UGGT1: variants seen among roughly 807,000 people sequenced by gnomAD.
UGGT1 encodes the protein UDP-glucose:glycoprotein glucosyltransferase 1.
UGGT1 carries 107 observed loss-of-function variants against 203.9 expected under a neutral mutation model. The ratio of observed to expected loss-of-function variants is 0.52; its 90% CI spans 0.45 to 0.62. The LOEUF (loss-of-function observed/expected upper bound fraction) is 0.62. Ranked by LOEUF, UGGT1 falls within the 20% of genes least tolerant of loss-of-function variation. The pLI, the probability that UGGT1 is intolerant of heterozygous loss-of-function variation, is 0.00. For synonymous variants in UGGT1, 628 were observed against 653.5 expected, an observed-to-expected ratio of 0.96 and a Z score of 0.59; for missense variants, 1,673 against 1,867.2, an observed-to-expected ratio of 0.90 and a Z score of 1.92.
intron 7 of UGGT1, 82 bp downstream of exon 7, chr2:128,115,302 A>G (rs1474142958): frequency 8.1e-7 from 1 of 1,239,044 alleles, no homozygotes; most frequent in East Asian, 2.6e-5. Context: ...AAAATAATAG[A>G]TTTAGGTGTA....
chr2:128,113,308 T>G (rs756696192), intron 6 of UGGT1, 50 bp downstream of exon 6: 2 of 1,452,214 alleles, frequency 1.4e-6, no homozygotes, highest in African/African-American at 2.8e-5. Context: ...TTGCCTAGCA[T>G]GACTTTAGAA....
Position 128,095,385 on chromosome 2 carries a change from C to CT in UGGT1, c.59-2042dup, listed in dbSNP as rs1254380276. 5.3e-5 allele frequency among the ~76,000 whole-genome samples: 8 copies of CT among 150,768 alleles called. 1 individual carries two copies. Among genetic ancestry groups the CT allele is most frequent in the African/African-American group, 2.0e-4 (8 of 40,936 alleles). ...TCTTCTTCTTCCTCTTCCCCTTCCC[C>CT]TTCCCCTTCTCCTTCCCCTTCCCCT... On this transcript the variant is annotated intron_variant, in intron 1 of 40. Coordinates refer to ENST00000259253, the MANE Select transcript of UGGT1 (RefSeq NM_020120.4).
At chr2:128,150,484 T>C (rs1315777683) in intron 18 of UGGT1, among the ~76,000 whole-genome samples, 2 of 151,772 alleles carry the variant, frequency 1.3e-5, no homozygotes, top group Non-Finnish European at 2.9e-5. Flanking sequence ...AAAACAGAAA[T>C]GTAAATGAAG....
chr2:128,182,358 A>ATT (rs1691736559), intron 37 of UGGT1, 68 bp downstream of exon 37: 2 of 1,525,200 alleles, frequency 1.3e-6, no homozygotes, highest in Non-Finnish European at 1.8e-6. Context: ...TGTGGTTAAA[A>ATT]TTGTGAATAG....
chr2:128,098,011 C>T (rs762037043), intron 2 of UGGT1, among the ~76,000 whole-genome samples: 2 of 151,908 alleles, frequency 1.3e-5, no homozygotes, highest in African/African-American at 2.4e-5. Flanking sequence ...ACGGAAGTGC[C>T]CCACCACACC....
chr2:128,144,687 T>A (rs1689595107), intron 17 of UGGT1, among the ~76,000 whole-genome samples: 1 of 152,342 alleles, frequency 6.6e-6, no homozygotes, highest in African/African-American at 2.4e-5. Flanking sequence ...GAAGGCTTTT[T>A]AGGCTGTGCC....
chr2:128,181,487 G>A (rs1365830311), intron 36 of UGGT1, among the ~76,000 whole-genome samples: 4 of 152,218 alleles, frequency 2.6e-5, no homozygotes, highest in East Asian at 1.9e-4. Flanking sequence ...TCTTCCGGCC[G>A]TCAGGGTTTG....
intron 26 of UGGT1, among the ~76,000 whole-genome samples, chr2:128,168,520 TA>T (rs894650376): frequency 2.6e-5 from 4 of 151,378 alleles, no homozygotes; most frequent in African/African-American, 9.7e-5. Context: ...TGTTGTTTGG[TA>T]AAAAAAAAGT....
intron 19 of UGGT1, among the ~76,000 whole-genome samples, chr2:128,154,070 C>T (rs1346448900): frequency 6.6e-6 from 1 of 151,882 alleles, no homozygotes; most frequent in African/African-American, 2.4e-5. Flanking sequence ...TACACACACA[C>T]ACACACACAC....
intron 21 of UGGT1, among the ~76,000 whole-genome samples, chr2:128,156,871 A>G (rs893859205): frequency 2.0e-5 from 3 of 152,222 alleles, no homozygotes; most frequent in Admixed American, 6.5e-5. Flanking sequence ...CACCCGGCCA[A>G]TGTAGATAAA....
chr2:128,101,050 A>T (rs1339511128), intron 2 of UGGT1, among the ~76,000 whole-genome samples: 3 of 152,044 alleles, frequency 2.0e-5, no homozygotes, highest in Non-Finnish European at 4.4e-5. Context: ...TAAGAGCTAC[A>T]TTTGCCCTTT....
At chr2:128,145,595 C>A in intron 17 of UGGT1, 1 of 497,102 alleles carries the variant, frequency 2.0e-6, no homozygotes, top group Non-Finnish European at 3.4e-6. Flanking sequence ...AAAACTTGAA[C>A]TCAGTAATTC....
At chr2:128,103,111 GT>G in intron 2 of UGGT1, 2 of 471,024 alleles carry the variant, frequency 4.2e-6, no homozygotes, top group South Asian at 3.1e-5. Flanking sequence ...ACACCCCAGT[GT>G]TCACAAGTAA....
intron 16 of UGGT1, among the ~76,000 whole-genome samples, chr2:128,140,975 A>G (rs1689393825): frequency 6.6e-6 from 1 of 151,436 alleles, no homozygotes; most frequent in African/African-American, 2.4e-5. Flanking sequence ...CGTGTGAGCC[A>G]CTGGGGCTTG....
At chr2:128,107,900 C>A in intron 3 of UGGT1, 38 bp from the exon 4 acceptor site, 8 of 1,612,832 alleles carry the variant, frequency 5.0e-6, no homozygotes, top group Non-Finnish European at 6.8e-6. Context: ...TATCTCTAGT[C>A]ATACGCAATT....
rs181151545 is a variant in UGGT1, at chr2:128,124,470, A to G, written c.1134+1224A>G. On this transcript the variant is annotated intron_variant, in intron 11 of 40. Coordinates refer to ENST00000259253, the MANE Select transcript of UGGT1 (RefSeq NM_020120.4). ...CATAATTATGTGTGTTTTTAAAAAA[A>G]TCTCTGTACTGTTAGGTGGTTCGTG... Among the ~76,000 whole-genome samples, 385 of 152,208 alleles carry G rather than the reference A, an allele frequency of 2.5e-3. 3 individuals carry two copies. The highest frequency in any genetic ancestry group is 8.9e-3 in the African/African-American group (371 of 41,554).
intron 2 of UGGT1, among the ~76,000 whole-genome samples, chr2:128,099,075 A>C (rs1040017668): frequency 1.1e-4 from 17 of 152,304 alleles, no homozygotes; most frequent in African/African-American, 4.1e-4. Context: ...CGTGCTAGAA[A>C]TTTGGACTGT....
chr2:128,183,937 T>TGAGA (rs71396517), intron 38 of UGGT1, 148 bp downstream of exon 38: 74 of 328,534 alleles, frequency 2.3e-4, no homozygotes, highest in East Asian at 8.4e-4. Context: ...TGTGTGTGTG[T>TGAGA]GAGAGAGAGA....
intron 7 of UGGT1, among the ~76,000 whole-genome samples, chr2:128,115,752 C>T (rs1480573967): frequency 6.6e-6 from 1 of 151,882 alleles, no homozygotes; most frequent in East Asian, 1.9e-4. Context: ...ATTATTTTAT[C>T]TACAAGTTTT....
Sources: allele counts gnomAD v4.1 joint callset (sites outside exome capture counted in the v4.1 genomes callset), GRCh38; gene constraint gnomAD v4.1.1; transcripts MANE v1.5; gene names NCBI Gene and HGNC (gene_info 2026-07-23, HGNC 2026-07-21).